LYPD6: variants seen among roughly 807,000 people sequenced by gnomAD.
LYPD6 encodes the protein LY6/PLAUR domain containing 6, also known as ly6/PLAUR domain-containing protein 6.
In LYPD6, 15 loss-of-function variants were observed where a neutral mutation model predicts 22.7. The observed-to-expected ratio is 0.66, with a 90% confidence interval of 0.44 to 1.02. The LOEUF is 1.02. Ranked by LOEUF, LYPD6 falls within the 50% of genes least tolerant of loss-of-function variation. The pLI, the probability that LYPD6 is intolerant of heterozygous loss-of-function variation, is 0.00. For missense variants in LYPD6, 189 were observed against 208.4 expected, an observed-to-expected ratio of 0.91 and a Z score of 0.57; for synonymous variants, 72 against 77.5, an observed-to-expected ratio of 0.93 and a Z score of 0.37.
At chr2:149,452,224 G>A (rs1680842938) in intron 3 of LYPD6, among the ~76,000 whole-genome samples, 1 of 152,194 alleles carries the variant, frequency 6.6e-6, no homozygotes, top group Non-Finnish European at 1.5e-5. Context: ...AGTGGAGCCA[G>A]GTGATTTTTG....
At chr2:149,477,892 C>T (rs1273431001), downstream of LYPD6, among the ~76,000 whole-genome samples, 1 of 152,072 alleles carries the variant, frequency 6.6e-6, no homozygotes, top group Non-Finnish European at 1.5e-5. Flanking sequence ...CGGATGTGGA[C>T]TTTTAGGAAA....
At chr2:149,364,198 G>C (rs574499592) in intron 1 of LYPD6, among the ~76,000 whole-genome samples, 1 of 152,234 alleles carries the variant, frequency 6.6e-6, no homozygotes, top group South Asian at 2.1e-4. Context: ...CAAATCCTGG[G>C]GAGTCCTGAC....
chr2:149,377,523 G>A (rs1340273756), intron 1 of LYPD6, among the ~76,000 whole-genome samples: 1 of 152,194 alleles, frequency 6.6e-6, no homozygotes, highest in African/African-American at 2.4e-5. Flanking sequence ...GCTCATACCT[G>A]TAATCCCAGT....
At chr2:149,355,617 G>C (rs1465695809) in intron 1 of LYPD6, among the ~76,000 whole-genome samples, 1 of 152,056 alleles carries the variant, frequency 6.6e-6, no homozygotes, top group Non-Finnish European at 1.5e-5. Context: ...TGAGTAATCA[G>C]CTCCCAAGGA....
intron 3 of LYPD6, among the ~76,000 whole-genome samples, chr2:149,466,748 G>T (rs935645303): frequency 2.6e-5 from 4 of 152,186 alleles, no homozygotes; most frequent in African/African-American, 9.6e-5. Context: ...CAAAACTGCA[G>T]CTATGTAGTG....
At chr2:149,443,619 T>G (rs1308441363) in intron 2 of LYPD6, among the ~76,000 whole-genome samples, 2 of 152,236 alleles carry the variant, frequency 1.3e-5, no homozygotes, top group African/African-American at 4.8e-5. Context: ...AAACTATTTT[T>G]TAATGTATCC....
intron 1 of LYPD6, among the ~76,000 whole-genome samples, chr2:149,424,944 G>A (rs1276813342): frequency 6.6e-6 from 1 of 152,256 alleles, no homozygotes; most frequent in Non-Finnish European, 1.5e-5. Context: ...TTGCCAGTCT[G>A]GTTGGAGACT....
intron 1 of LYPD6, among the ~76,000 whole-genome samples, chr2:149,342,710 G>T (rs1424158345): frequency 1.3e-5 from 2 of 152,076 alleles, no homozygotes; most frequent in African/African-American, 4.8e-5. Flanking sequence ...ATCTCTAACG[G>T]CCAGTGTTCT....
intron 1 of LYPD6, among the ~76,000 whole-genome samples, chr2:149,335,301 G>T (rs1244864365): frequency 6.6e-6 from 1 of 152,098 alleles, no homozygotes; most frequent in Non-Finnish European, 1.5e-5. Context: ...TGATATTGAT[G>T]ATCGTAATCC....
chr2:149,431,427 A>G lies in LYPD6; in HGVS notation c.-71-6211A>G, dbSNP rs1196647. Among the ~76,000 whole-genome samples the G allele has an allele frequency of 5.9e-3, 902 of 152,350 alleles. 13 individuals are homozygous for G. Among genetic ancestry groups the G allele is most frequent in the African/African-American group, 0.02 (819 of 41,576 alleles). Reference sequence around the variant, plus strand: ...AAGCTCCATCAACTACTGAGAATCTATGAGGAAAAGATACATCCCCTGAGC... The same window carrying G: ...AAGCTCCATCAACTACTGAGAATCTGTGAGGAAAAGATACATCCCCTGAGC... On this transcript the variant is annotated intron_variant, in intron 1 of 4. Transcript: ENST00000334166.
intron 1 of LYPD6, among the ~76,000 whole-genome samples, chr2:149,371,032 G>T (rs1277996543): frequency 6.6e-6 from 1 of 152,182 alleles, no homozygotes; most frequent in African/African-American, 2.4e-5. Context: ...TCTTTCTCCT[G>T]TCTTCTTGCT....
intron 3 of LYPD6, among the ~76,000 whole-genome samples, chr2:149,451,122 A>C (rs1214594920): frequency 6.6e-6 from 1 of 152,210 alleles, no homozygotes; most frequent in Non-Finnish European, 1.5e-5. Context: ...GAGGCTGGGA[A>C]GTCCCAGATC....
At chr2:149,418,470 G>A (rs1469685943) in intron 1 of LYPD6, among the ~76,000 whole-genome samples, 1 of 150,694 alleles carries the variant, frequency 6.6e-6, no homozygotes, top group Non-Finnish European at 1.5e-5. Context: ...TGGGGGACAT[G>A]GCCCTTTAAA....
At chr2:149,453,011 C>T (rs1680871335) in intron 3 of LYPD6, among the ~76,000 whole-genome samples, 1 of 152,192 alleles carries the variant, frequency 6.6e-6, no homozygotes, top group African/African-American at 2.4e-5. Flanking sequence ...TACTCCCTTC[C>T]TAGAAATGGG....
At chr2:149,364,435 G>A (rs1055770283) in intron 1 of LYPD6, among the ~76,000 whole-genome samples, 5 of 151,738 alleles carry the variant, frequency 3.3e-5, no homozygotes, top group Admixed American at 2.0e-4. Flanking sequence ...AAATTAATGA[G>A]TTTTGGCTGA....
intron 1 of LYPD6, among the ~76,000 whole-genome samples, chr2:149,331,657 G>T (rs1050699787): frequency 2.6e-5 from 4 of 152,108 alleles, no homozygotes; most frequent in African/African-American, 9.7e-5. Context: ...GGGGGGGAAT[G>T]GAAGAGGGTC....
intron 2 of LYPD6, among the ~76,000 whole-genome samples, chr2:149,444,746 G>C (rs760159426): frequency 6.6e-6 from 1 of 151,828 alleles, no homozygotes; most frequent in South Asian, 2.1e-4. Flanking sequence ...TTCAGGCTCC[G>C]CTTCTAATTC....
At chr2:149,333,993 C>A (rs1455419611) in intron 1 of LYPD6, among the ~76,000 whole-genome samples, 1 of 152,016 alleles carries the variant, frequency 6.6e-6, no homozygotes, top group African/African-American at 2.4e-5. Flanking sequence ...ACTTAATTTA[C>A]CCATAAGAAA....
At chr2:149,456,928 A>T (rs1157138930) in intron 3 of LYPD6, among the ~76,000 whole-genome samples, 1 of 152,146 alleles carries the variant, frequency 6.6e-6, no homozygotes, top group East Asian at 1.9e-4. Flanking sequence ...TTCACTCAAT[A>T]TTATGTGAGA....
Sources: allele counts gnomAD v4.1 joint callset (sites outside exome capture counted in the v4.1 genomes callset), GRCh38; gene constraint gnomAD v4.1.1; transcripts MANE v1.5; gene names NCBI Gene and HGNC (gene_info 2026-07-23, HGNC 2026-07-21).